GSE1: variants seen among roughly 807,000 people sequenced by gnomAD.
The protein encoded by GSE1 is genetic suppressor element 1.
In GSE1, 32 loss-of-function variants were observed where a neutral mutation model predicts 112.6. The observed-to-expected ratio is 0.28, with a 90% CI of 0.21 to 0.38. The LOEUF (loss-of-function observed/expected upper bound fraction) is 0.38. GSE1 is among the 10% of genes least tolerant of loss of function. The pLI is 1.00. For synonymous variants in GSE1, 1,115 were observed against 735.6 expected (o/e 1.52, Z -8.35); for missense variants, 2,348 against 1,699.2 (o/e 1.38, Z -6.71).
chr16:85,458,236 C>T lies in GSE1; in HGVS notation c.2464+100593C>T, dbSNP rs8061664. On this transcript the variant is annotated intron_variant, in intron 2 of 2. Coordinates refer to the GSE1 transcript ENST00000637419. ...CCCTGCCTCGCTCCCGGCTGGATGC[C>T]GTGGGACACTTCAGAAAAGGCAGAC... Among the ~76,000 whole-genome samples the T allele has an allele frequency of 6.2e-3, 939 of 152,314 alleles. 8 individuals are homozygous for T. Among genetic ancestry groups the T allele is most frequent in the African/African-American group, 0.021 (886 of 41,572 alleles).
At chr16:85,342,525 A>G (rs34029341) in intron 1 of GSE1, among the ~76,000 whole-genome samples, 93,003 of 151,952 alleles carry the variant, frequency 0.61, 28,901 homozygotes, top group East Asian at 0.91. Context: ...GGGCCTCGGC[A>G]GCCCCACCAG....
At chr16:85,483,706 T>C (rs945198335) in intron 2 of GSE1, among the ~76,000 whole-genome samples, 1 of 152,274 alleles carries the variant, frequency 6.6e-6, no homozygotes, top group African/African-American at 2.4e-5. Context: ...GCTTAATTAA[T>C]TGACTTTGAG....
At chr16:85,182,363 GGCCTGGC>G (rs1331580907) in intron 1 of GSE1, among the ~76,000 whole-genome samples, 13 of 152,204 alleles carry the variant, frequency 8.5e-5, no homozygotes, top group African/African-American at 3.1e-4. Flanking sequence ...AGGAGGCTCG[GGCCTGGC>G]CTTCAGGTGG....
At chr16:85,342,988 G>A (rs2046657308) in intron 1 of GSE1, among the ~76,000 whole-genome samples, 1 of 152,016 alleles carries the variant, frequency 6.6e-6, no homozygotes, top group South Asian at 2.1e-4. Flanking sequence ...GTGGCAGGCA[G>A]CAGGGAGTGG....
chr16:85,537,869 T>C (rs912027203), intron 2 of GSE1, among the ~76,000 whole-genome samples: 1 of 152,092 alleles, frequency 6.6e-6, no homozygotes, highest in Non-Finnish European at 1.5e-5. Flanking sequence ...ATGGAGTTTG[T>C]GTTTGAGTAC....
chr16:85,638,479 C>G (rs904557455), intron 2 of GSE1, among the ~76,000 whole-genome samples: 2 of 152,230 alleles, frequency 1.3e-5, no homozygotes, highest in Non-Finnish European at 2.9e-5. Flanking sequence ...CCAGCACTTT[C>G]CTTCCTTGCT....
intron 2 of GSE1, among the ~76,000 whole-genome samples, chr16:85,460,635 A>G (rs2049944463): frequency 6.6e-6 from 1 of 152,262 alleles, no homozygotes; most frequent in Non-Finnish European, 1.5e-5. Flanking sequence ...AAGAGCCGGC[A>G]GTGACCTCTC....
intron 2 of GSE1, among the ~76,000 whole-genome samples, chr16:85,422,476 T>G (rs548365234): frequency 2.1e-5 from 3 of 141,302 alleles, no homozygotes; most frequent in Non-Finnish European, 3.1e-5. Flanking sequence ...CAGTGTGGGG[T>G]GGGGCTGAGC....
chr16:85,210,920 T>G (rs1031641701), intron 1 of GSE1, among the ~76,000 whole-genome samples: 1 of 152,214 alleles, frequency 6.6e-6, no homozygotes, highest in Non-Finnish European at 1.5e-5. Context: ...TTGGAAAGGT[T>G]GCTTTGCCTC....
At chr16:85,343,073 C>G (rs567452476) in intron 1 of GSE1, among the ~76,000 whole-genome samples, 20 of 152,118 alleles carry the variant, frequency 1.3e-4, no homozygotes, top group African/African-American at 4.6e-4. Context: ...CCCTCAGCCT[C>G]TCAGGGAGGA....
chr16:85,364,163 C>G (rs2047139098), intron 2 of GSE1, among the ~76,000 whole-genome samples: 1 of 152,228 alleles, frequency 6.6e-6, no homozygotes, highest in African/African-American at 2.4e-5. Context: ...CCTTCTGCAG[C>G]TTCCTTGGCT....
chr16:85,517,337 C>T (rs533549492), intron 2 of GSE1, among the ~76,000 whole-genome samples: 1 of 152,294 alleles, frequency 6.6e-6, no homozygotes, highest in African/African-American at 2.4e-5. Context: ...TTAACCTCCC[C>T]GTGCCACAGC....
At chr16:85,440,680 T>C (rs1422882325) in intron 2 of GSE1, among the ~76,000 whole-genome samples, 1 of 152,172 alleles carries the variant, frequency 6.6e-6, no homozygotes, top group African/African-American at 2.4e-5. Flanking sequence ...AGCTTTTACT[T>C]TTTTCAGGTT....
intron 1 of GSE1, among the ~76,000 whole-genome samples, chr16:85,175,401 G>C (rs549491246): frequency 5.3e-5 from 8 of 152,176 alleles, no homozygotes; most frequent in Admixed American, 4.6e-4. Flanking sequence ...GAAGGACCCC[G>C]GGCTTGCCTT....
At chr16:85,329,451 A>G (rs2046294144) in intron 1 of GSE1, among the ~76,000 whole-genome samples, 2 of 151,882 alleles carry the variant, frequency 1.3e-5, no homozygotes, top group Non-Finnish European at 1.5e-5. Flanking sequence ...CTGGAAGGAT[A>G]TTAGCCGGGT....
At chr16:85,619,416 G>A (rs2048585665) in intron 1 of GSE1, among the ~76,000 whole-genome samples, 1 of 150,956 alleles carries the variant, frequency 6.6e-6, no homozygotes, top group Non-Finnish European at 1.5e-5. Context: ...CTTGCGAGTG[G>A]AGGCGGGAGG....
chr16:85,530,704 C>G (rs971986867), intron 2 of GSE1, among the ~76,000 whole-genome samples: 2 of 152,192 alleles, frequency 1.3e-5, no homozygotes, highest in African/African-American at 4.8e-5. Flanking sequence ...CACAGAGCAC[C>G]CAGCCGGGGA....
At chr16:85,632,073 C>T (rs553800880) in intron 1 of GSE1, among the ~76,000 whole-genome samples, 45 of 152,216 alleles carry the variant, frequency 3.0e-4, no homozygotes, top group Non-Finnish European at 4.9e-4. Flanking sequence ...GCAGAGCCCC[C>T]GCCCTCCCGC....
intron 2 of GSE1, among the ~76,000 whole-genome samples, chr16:85,360,850 GAC>G (rs146276920): frequency 1.3e-5 from 2 of 150,786 alleles, no homozygotes; most frequent in African/African-American, 2.4e-5. Flanking sequence ...AGAAACCCGT[GAC>G]ACACACACAC....
Sources: allele counts gnomAD v4.1 joint callset (sites outside exome capture counted in the v4.1 genomes callset), GRCh38; gene constraint gnomAD v4.1.1; transcripts MANE v1.5; gene names NCBI Gene and HGNC (gene_info 2026-07-23, HGNC 2026-07-21).